The following ZPBP variants were observed in gnomAD, a reference collection of about 807,000 sequenced individuals.
The protein encoded by ZPBP is zona pellucida-binding protein 1.
In ZPBP, 26 loss-of-function variants were observed where a neutral mutation model predicts 44.8. The observed-to-expected ratio is 0.58, with a 90% CI of 0.43 to 0.81. The LOEUF (loss-of-function observed/expected upper bound fraction) is 0.81. Among genes scored for constraint, ZPBP ranks in the 30% least tolerant of loss-of-function variants. The probability of loss-of-function intolerance (pLI) is 0.00; values close to 1 mark genes in which losing one functional copy is unlikely to be tolerated. For synonymous variants in ZPBP, 174 were observed against 153.2 expected (o/e 1.14, Z -1.00); for missense variants, 409 against 434.0 (o/e 0.94, Z 0.51).
At chr7:49,903,093 A>G (rs1370617861) in intron 1 of ZPBP, among the ~76,000 whole-genome samples, 3 of 152,232 alleles carry the variant, frequency 2.0e-5, no homozygotes, top group East Asian at 3.8e-4. Flanking sequence ...TGGCTAAAAC[A>G]AAAACTTGTG....
At chr7:49,901,912 CAG>C (rs1792756652) in intron 1 of ZPBP, among the ~76,000 whole-genome samples, 1 of 151,858 alleles carries the variant, frequency 6.6e-6, no homozygotes, top group Admixed American at 6.6e-5. Flanking sequence ...TGTTTGCTAA[CAG>C]AGTAAACATA....
intron 4 of ZPBP, among the ~76,000 whole-genome samples, chr7:50,037,653 C>A (rs907429452): frequency 3.3e-5 from 5 of 152,162 alleles, no homozygotes; most frequent in African/African-American, 1.2e-4. Flanking sequence ...AATCACCTCC[C>A]AACAGGTCCT....
At chr7:49,960,712 T>C (rs1795834438) in intron 7 of ZPBP, among the ~76,000 whole-genome samples, 1 of 152,048 alleles carries the variant, frequency 6.6e-6, no homozygotes, top group Admixed American at 6.6e-5. Context: ...ATAAAACACG[T>C]ACCAATAGCC....
intron 2 of ZPBP, among the ~76,000 whole-genome samples, chr7:49,863,356 C>G (rs571281427): frequency 6.6e-6 from 1 of 152,316 alleles, no homozygotes; most frequent in African/African-American, 2.4e-5. Flanking sequence ...CTTCGCCACT[C>G]CAGCTAAAGA....
chr7:50,092,965 C>T (rs1042671113), intron 1 of ZPBP, 103 bp downstream of exon 1: 2 of 1,458,646 alleles, frequency 1.4e-6, no homozygotes, highest in Admixed American at 5.2e-5. Context: ...AGCAAGGTGT[C>T]TCTATATAAA....
intron 2 of ZPBP, among the ~76,000 whole-genome samples, chr7:49,856,385 TCTC>T (rs1003384361): frequency 3.9e-4 from 60 of 152,280 alleles, no homozygotes; most frequent in African/African-American, 1.4e-3. Context: ...GGCTCCCTCT[TCTC>T]CTTCTGCCAT....
intron 4 of ZPBP, among the ~76,000 whole-genome samples, chr7:50,033,263 A>T (rs1387920735): frequency 6.6e-6 from 1 of 152,218 alleles, no homozygotes; most frequent in Non-Finnish European, 1.5e-5. Context: ...CATTAATAAG[A>T]ATCTGTTTCC....
chr7:50,057,878 AT>A, intron 4 of ZPBP, 110 bp downstream of exon 4: 2 of 1,042,518 alleles, frequency 1.9e-6, no homozygotes, highest in Non-Finnish European at 2.8e-6. Flanking sequence ...TTCTTTTTTA[AT>A]TAAATGAGAC....
chr7:50,046,340 T>A (rs1800359126), intron 4 of ZPBP, among the ~76,000 whole-genome samples: 1 of 151,966 alleles, frequency 6.6e-6, no homozygotes. Flanking sequence ...CAAAATAAAC[T>A]ATCATCAGAG....
intron 7 of ZPBP, among the ~76,000 whole-genome samples, chr7:49,953,127 T>C (rs1309193619): frequency 1.3e-5 from 2 of 152,112 alleles, no homozygotes; most frequent in African/African-American, 4.8e-5. Flanking sequence ...TTTCAAATTA[T>C]GTTACAGGGA....
At chr7:49,876,438 A>G (rs1481499195) in intron 2 of ZPBP, among the ~76,000 whole-genome samples, 1 of 152,168 alleles carries the variant, frequency 6.6e-6, no homozygotes, top group African/African-American at 2.4e-5. Context: ...CCTGTCTCCT[A>G]GAGTTTTGAA....
At chr7:49,854,264 G>A (rs1480494495) in intron 2 of ZPBP, among the ~76,000 whole-genome samples, 2 of 152,090 alleles carry the variant, frequency 1.3e-5, no homozygotes, top group Non-Finnish European at 2.9e-5. Context: ...GGTATTTCTA[G>A]TTTGAGATCC....
intron 2 of ZPBP, among the ~76,000 whole-genome samples, chr7:49,856,055 A>T (rs1790404689): frequency 6.6e-6 from 1 of 152,208 alleles, no homozygotes. Context: ...GCTGCCTTTC[A>T]GGGCTGATGT....
chr7:49,969,830 G>T (rs1038215454), intron 7 of ZPBP, among the ~76,000 whole-genome samples: 4 of 84,962 alleles, frequency 4.7e-5, no homozygotes, highest in African/African-American at 1.6e-4. Context: ...GAGAGAGAGA[G>T]AGAGAGAGAG....
chr7:49,940,996 A>G (rs1234886661), intron 7 of ZPBP, among the ~76,000 whole-genome samples: 3 of 152,172 alleles, frequency 2.0e-5, no homozygotes, highest in Admixed American at 6.6e-5. Flanking sequence ...GCAGCCATGT[A>G]TACAGAGGAT....
At chr7:50,003,283 G>C (rs1344964328) in intron 6 of ZPBP, among the ~76,000 whole-genome samples, 1 of 152,084 alleles carries the variant, frequency 6.6e-6, no homozygotes, top group African/African-American at 2.4e-5. Context: ...ATAATATATG[G>C]ATTAAAATGG....
chr7:49,961,024 T>C (rs1222106971), intron 7 of ZPBP, among the ~76,000 whole-genome samples: 1 of 152,186 alleles, frequency 6.6e-6, no homozygotes, highest in Non-Finnish European at 1.5e-5. Context: ...ACAATTGGCT[T>C]ACAAAAGCCA....
intron 3 of ZPBP, among the ~76,000 whole-genome samples, chr7:50,071,275 CA>C (rs1801819592): frequency 6.6e-6 from 1 of 152,042 alleles, no homozygotes; most frequent in South Asian, 2.1e-4. Flanking sequence ...AAAAGCAGAC[CA>C]AATTCAGCTG....
intron 7 of ZPBP, among the ~76,000 whole-genome samples, chr7:49,956,678 C>T (rs945281082): frequency 6.6e-6 from 1 of 151,984 alleles, no homozygotes; most frequent in African/African-American, 2.4e-5. Flanking sequence ...GTTCATGGAT[C>T]TAAAGATTTA....
Sources: allele counts gnomAD v4.1 joint callset (sites outside exome capture counted in the v4.1 genomes callset), GRCh38; gene constraint gnomAD v4.1.1; transcripts MANE v1.5; gene names NCBI Gene and HGNC (gene_info 2026-07-23, HGNC 2026-07-21).